GPC6: variants seen among roughly 807,000 people sequenced by gnomAD.
The protein encoded by GPC6 is glypican 6.
Under a neutral mutation model 55.2 loss-of-function variants are expected in GPC6, and 14 were observed. The ratio of observed to expected loss-of-function variants is 0.25; its 90% CI spans 0.17 to 0.40. GPC6 has a LOEUF of 0.40. Among genes scored for constraint, GPC6 ranks in the 10% least tolerant of loss-of-function variants. The pLI is 1.00. For missense variants in GPC6, 641 were observed against 708.5 expected, an observed-to-expected ratio of 0.90 and a Z score of 1.08; for synonymous variants, 278 against 259.6, an observed-to-expected ratio of 1.07 and a Z score of -0.68.
intron 1 of GPC6, among the ~76,000 whole-genome samples, chr13:93,424,511 G>T (rs1010583706): frequency 1.4e-4 from 21 of 152,118 alleles, no homozygotes; most frequent in Non-Finnish European, 2.6e-4. Context: ...CACCTACTAC[G>T]CAGTGCAACA....
At chr13:93,370,141 G>T (rs943245808) in intron 1 of GPC6, among the ~76,000 whole-genome samples, 1 of 151,994 alleles carries the variant, frequency 6.6e-6, no homozygotes, top group African/African-American at 2.4e-5. Flanking sequence ...CCAGACAGTT[G>T]TCATCATACT....
intron 4 of GPC6, among the ~76,000 whole-genome samples, chr13:94,121,072 G>A (rs989464720): frequency 2.0e-5 from 3 of 152,094 alleles, no homozygotes; most frequent in African/African-American, 7.2e-5. Flanking sequence ...GCTAGAAAAT[G>A]TTAATGGAGA....
chr13:93,891,659 C>T (rs1318819432), intron 3 of GPC6, among the ~76,000 whole-genome samples: 7 of 152,114 alleles, frequency 4.6e-5, no homozygotes, highest in African/African-American at 1.7e-4. Context: ...ACTATGTACA[C>T]ACACACATTC....
chr13:93,686,675 T>C (rs1882059540), intron 2 of GPC6, among the ~76,000 whole-genome samples: 1 of 152,182 alleles, frequency 6.6e-6, no homozygotes, highest in Admixed American at 6.6e-5. Context: ...TTTTAAGGAA[T>C]TGTTAAAAGA....
chr13:93,660,098 C>T (rs1880860443), intron 2 of GPC6, among the ~76,000 whole-genome samples: 1 of 151,988 alleles, frequency 6.6e-6, no homozygotes, highest in South Asian at 2.1e-4. Flanking sequence ...ATAATTTTCT[C>T]TCTTTAATAT....
At chr13:93,744,902 A>G (rs1884347103) in intron 2 of GPC6, among the ~76,000 whole-genome samples, 2 of 151,496 alleles carry the variant, frequency 1.3e-5, no homozygotes, top group South Asian at 4.2e-4. Flanking sequence ...CTATCTCTGC[A>G]CTCCAGTGTG....
At chr13:93,663,296 A>C (rs1207650582) in intron 2 of GPC6, among the ~76,000 whole-genome samples, 1 of 152,128 alleles carries the variant, frequency 6.6e-6, no homozygotes, top group Non-Finnish European at 1.5e-5. Flanking sequence ...AATTGGAATC[A>C]CATATAGCCC....
At chr13:93,393,127 T>TATATATATATATATATATAGAGAGAGAG in intron 1 of GPC6, among the ~76,000 whole-genome samples, 1 of 87,624 alleles carries the variant, frequency 1.1e-5, no homozygotes, top group African/African-American at 3.9e-5. Context: ...TATATATATA[T>TATATATATATATATATATAGAGAGAGAG]AGAGAGAGAG....
intron 3 of GPC6, among the ~76,000 whole-genome samples, chr13:93,884,972 T>A (rs926229589): frequency 6.6e-6 from 1 of 152,106 alleles, no homozygotes; most frequent in Non-Finnish European, 1.5e-5. Flanking sequence ...TTCACTTGTT[T>A]GGGGCTTCAA....
chr13:94,206,825 C>G (rs1889917027), intron 4 of GPC6, among the ~76,000 whole-genome samples: 1 of 152,086 alleles, frequency 6.6e-6, no homozygotes, highest in Admixed American at 6.6e-5. Context: ...TGCATTCCAA[C>G]CTGGGTGACA....
In GPC6 at chr13:94,204,855, A is replaced by G. The variant is rs180913576; in HGVS notation, c.878-81494A>G. ...TATTTTCAATGTGTATATTCAATGAATCTTTCTTTAATAAACATTTATCTC... is the reference window on the plus strand; with the variant it reads ...TATTTTCAATGTGTATATTCAATGAGTCTTTCTTTAATAAACATTTATCTC... On this transcript the variant is annotated intron_variant, in intron 4 of 8. Transcript: ENST00000377047. 5.9e-5 allele frequency among the ~76,000 whole-genome samples: 9 copies of G among 152,316 alleles called. 1 individual carries two copies. Among genetic ancestry groups the G allele is most frequent in the African/African-American group, 2.2e-4 (9 of 41,582 alleles).
chr13:93,958,504 A>G (rs1879614969), intron 3 of GPC6, among the ~76,000 whole-genome samples: 1 of 152,164 alleles, frequency 6.6e-6, no homozygotes, highest in African/African-American at 2.4e-5. Context: ...TCAGATGGTT[A>G]TAAATGTTTG....
At chr13:93,772,844 T>G (rs923710386) in intron 2 of GPC6, among the ~76,000 whole-genome samples, 5 of 152,154 alleles carry the variant, frequency 3.3e-5, no homozygotes, top group Admixed American at 1.3e-4. Flanking sequence ...AAGGAATTGT[T>G]CTGGTCAGAA....
intron 1 of GPC6, among the ~76,000 whole-genome samples, chr13:93,349,761 CAG>C (rs1269638943): frequency 2.6e-5 from 4 of 152,022 alleles, no homozygotes; most frequent in Non-Finnish European, 5.9e-5. Context: ...TATCAGACAC[CAG>C]TTTTAATTTT....
intron 1 of GPC6, among the ~76,000 whole-genome samples, chr13:93,350,531 T>A (rs1309971369): frequency 6.6e-6 from 1 of 152,216 alleles, no homozygotes; most frequent in Non-Finnish European, 1.5e-5. Flanking sequence ...AAGCACATAG[T>A]AATTTGCTTG....
At chr13:93,529,490 C>T (rs1360296794) in intron 1 of GPC6, among the ~76,000 whole-genome samples, 1 of 150,690 alleles carries the variant, frequency 6.6e-6, no homozygotes, top group Non-Finnish European at 1.5e-5. Flanking sequence ...ATGCTTCCTT[C>T]CATAGTGGAC....
intron 2 of GPC6, among the ~76,000 whole-genome samples, chr13:93,731,148 A>G (rs1883806283): frequency 6.6e-6 from 1 of 152,178 alleles, no homozygotes; most frequent in Admixed American, 6.6e-5. Flanking sequence ...CATTCCCTGC[A>G]TTACAGTACT....
intron 2 of GPC6, among the ~76,000 whole-genome samples, chr13:93,828,278 C>G (rs960137914): frequency 6.6e-5 from 10 of 152,082 alleles, no homozygotes; most frequent in African/African-American, 2.4e-4. Context: ...GTTACGCCTT[C>G]CACCCTGTTC....
chr13:93,588,007 G>A (rs1054856231), intron 2 of GPC6, among the ~76,000 whole-genome samples: 5 of 152,148 alleles, frequency 3.3e-5, no homozygotes, highest in Non-Finnish European at 7.3e-5. Flanking sequence ...CTCCCATACT[G>A]GGATTTCAGA....
Sources: allele counts gnomAD v4.1 joint callset (sites outside exome capture counted in the v4.1 genomes callset), GRCh38; gene constraint gnomAD v4.1.1; transcripts MANE v1.5; gene names NCBI Gene and HGNC (gene_info 2026-07-23, HGNC 2026-07-21).